The following ADAMTS3 variants were observed in gnomAD, a reference collection of about 807,000 sequenced individuals.
ADAMTS3 encodes the protein ADAM metallopeptidase with thrombospondin type 1 motif 3.
Under a neutral mutation model 129.0 loss-of-function variants are expected in ADAMTS3, and 73 were observed. The ratio of observed to expected loss-of-function variants is 0.57; its 90% confidence interval spans 0.47 to 0.69. The LOEUF (loss-of-function observed/expected upper bound fraction) is 0.69. Among genes scored for constraint, ADAMTS3 ranks in the 30% least tolerant of loss-of-function variants. ADAMTS3 has a pLI of 0.00. For missense variants in ADAMTS3, 1,457 were observed against 1,514.5 expected, an observed-to-expected ratio of 0.96 and a Z score of 0.63; for synonymous variants, 477 against 510.8, an observed-to-expected ratio of 0.93 and a Z score of 0.89.
intron 3 of ADAMTS3, among the ~76,000 whole-genome samples, chr4:72,458,305 G>C (rs187121047): frequency 6.6e-6 from 1 of 151,444 alleles, no homozygotes; most frequent in South Asian, 2.1e-4. Context: ...GTCTCTCTCT[G>C]TCTTTAAAAT....
intron 5 of ADAMTS3, among the ~76,000 whole-genome samples, chr4:72,329,159 T>C (rs1035409548): frequency 2.1e-4 from 32 of 152,158 alleles, no homozygotes; most frequent in African/African-American, 7.5e-4. Flanking sequence ...TAGACTCTAT[T>C]GGGCAAAACA....
At chr4:72,557,667 T>G (rs1436397425) in intron 2 of ADAMTS3, among the ~76,000 whole-genome samples, 1 of 151,836 alleles carries the variant, frequency 6.6e-6, no homozygotes, top group Non-Finnish European at 1.5e-5. Flanking sequence ...TTGTTGCAAT[T>G]GCACAATATT....
At chr4:72,309,187 T>G (rs548707260) in intron 15 of ADAMTS3, among the ~76,000 whole-genome samples, 1 of 152,050 alleles carries the variant, frequency 6.6e-6, no homozygotes, top group South Asian at 2.1e-4. Flanking sequence ...GTATGTATTT[T>G]TTTCATCATT....
intron 2 of ADAMTS3, among the ~76,000 whole-genome samples, chr4:72,551,164 T>A (rs149110960): frequency 5.9e-5 from 9 of 152,230 alleles, no homozygotes; most frequent in Non-Finnish European, 1.2e-4. Context: ...AGTGCTTAAT[T>A]TCAATGTATG....
chr4:72,530,765 AGAT>A (rs578261191), intron 3 of ADAMTS3, among the ~76,000 whole-genome samples: 2 of 2,918 alleles, frequency 6.9e-4, no homozygotes, highest in South Asian at 0.038. Flanking sequence ...TATATTATAT[AGAT>A]TATATATATT....
chr4:72,470,926 T>G (rs146588228), intron 3 of ADAMTS3, among the ~76,000 whole-genome samples: 1 of 152,174 alleles, frequency 6.6e-6, no homozygotes, highest in African/African-American at 2.4e-5. Flanking sequence ...GTGATATAAA[T>G]AGGAAGTGCA....
At chr4:72,554,695 C>T (rs1721720805) in intron 2 of ADAMTS3, among the ~76,000 whole-genome samples, 2 of 151,790 alleles carry the variant, frequency 1.3e-5, no homozygotes, top group Admixed American at 1.3e-4. Flanking sequence ...CTTCTAATTG[C>T]TTTTAAGATC....
chr4:72,491,978 C>T (rs1719757489), intron 3 of ADAMTS3, among the ~76,000 whole-genome samples: 1 of 151,650 alleles, frequency 6.6e-6, no homozygotes, highest in Admixed American at 6.6e-5. Context: ...TTCTTCCCGA[C>T]ACAATTTTGG....
chr4:72,390,924 T>A (rs1269330223), intron 4 of ADAMTS3, among the ~76,000 whole-genome samples: 1 of 152,006 alleles, frequency 6.6e-6, no homozygotes, highest in African/African-American at 2.4e-5. Flanking sequence ...CTAAACTTTT[T>A]TTTTAAAGCT....
chr4:72,537,521 C>T (rs776694183), intron 3 of ADAMTS3, among the ~76,000 whole-genome samples: 1 of 152,052 alleles, frequency 6.6e-6, no homozygotes, highest in Admixed American at 6.6e-5. Context: ...CAGGGAAAGG[C>T]ACAGGCTCAG....
intron 3 of ADAMTS3, among the ~76,000 whole-genome samples, chr4:72,518,441 A>G (rs1262657147): frequency 6.6e-6 from 1 of 152,196 alleles, no homozygotes; most frequent in Non-Finnish European, 1.5e-5. Context: ...GCGGGGTGTT[A>G]AAGTCTCCCA....
At chr4:72,436,844 C>T (rs189796661) in intron 3 of ADAMTS3, among the ~76,000 whole-genome samples, 233 of 148,538 alleles carry the variant, frequency 1.6e-3, no homozygotes, top group African/African-American at 5.3e-3. Context: ...CATCACACAC[C>T]GAGGACTGTT....
chr4:72,517,005 A>C (rs1409491655), intron 3 of ADAMTS3, among the ~76,000 whole-genome samples: 1 of 152,114 alleles, frequency 6.6e-6, no homozygotes, highest in Non-Finnish European at 1.5e-5. Context: ...TTTGAGATAC[A>C]TCCCATCAAT....
Position 72,282,396 on chromosome 4 carries a change from T to C in ADAMTS3, c.*740A>G, listed in dbSNP as rs1334568044. 1 of 152,190 alleles carries C rather than the reference T, an allele frequency of 6.6e-6. No homozygotes were observed. The highest frequency in any genetic ancestry group is 1.9e-4 in the East Asian group (1 of 5,198). The allele number at this position is 152,190 out of a possible 1,614,324, so 9.4% of individuals were successfully genotyped here. On this transcript the variant is annotated 3_prime_UTR_variant, in exon 22 of 22. Coordinates refer to ENST00000286657, the MANE Select transcript of ADAMTS3 (RefSeq NM_014243.3). ...AGAAGGCAATAGGTAAGCTGATATC[T>C]GTATATCTATAGCTTTTGTGTTTCT...
intron 3 of ADAMTS3, among the ~76,000 whole-genome samples, chr4:72,509,920 C>A (rs984265778): frequency 6.6e-6 from 1 of 151,776 alleles, no homozygotes; most frequent in African/African-American, 2.4e-5. Context: ...TCATCATGAC[C>A]AAGTGGGAGT....
chr4:72,419,649 T>A (rs933132305), intron 3 of ADAMTS3, among the ~76,000 whole-genome samples: 5 of 152,150 alleles, frequency 3.3e-5, no homozygotes, highest in Admixed American at 6.5e-5. Flanking sequence ...CTGTCGTTAG[T>A]ATGAGTGTAT....
intron 3 of ADAMTS3, among the ~76,000 whole-genome samples, chr4:72,434,257 A>G (rs1179164511): frequency 6.6e-6 from 1 of 151,850 alleles, no homozygotes; most frequent in Non-Finnish European, 1.5e-5. Flanking sequence ...ATTTACAAAT[A>G]CGTAGCCCAT....
At chr4:72,359,515 T>C (rs1720665256) in intron 4 of ADAMTS3, among the ~76,000 whole-genome samples, 2 of 152,130 alleles carry the variant, frequency 1.3e-5, no homozygotes, top group South Asian at 2.1e-4. Context: ...GAAATTCTTA[T>C]AGTGAAAATG....
At position 72,369,731 on chromosome 4, in the gene ADAMTS3, G is replaced by GA. The variant is rs777322503; in HGVS notation, c.662-30039dup. The stretch of plus-strand genomic sequence containing the variant: ...GCCTAAAAAATAAATAAATAAAAAT[G>GA]AAAAAAAAAAATAAACAGACAAAGT... On this transcript the variant is annotated intron_variant, in intron 4 of 21. Coordinates refer to ENST00000286657, the MANE Select transcript of ADAMTS3 (RefSeq NM_014243.3). Among the ~76,000 whole-genome samples, 363 of 96,500 alleles carry GA rather than the reference G, an allele frequency of 3.8e-3. 1 individual carries two copies. The highest frequency in any genetic ancestry group is 0.011 in the African/African-American group (267 of 25,070). The allele number at this position is 96,500 out of a possible 152,430, so 63.3% of individuals were successfully genotyped here. A position where few individuals can be genotyped will look rare whatever the true frequency, so the allele number is the denominator to read the frequency against.
Sources: allele counts gnomAD v4.1 joint callset (sites outside exome capture counted in the v4.1 genomes callset), GRCh38; gene constraint gnomAD v4.1.1; transcripts MANE v1.5; gene names NCBI Gene and HGNC (gene_info 2026-07-23, HGNC 2026-07-21).